The following HPSE2 variants were observed in gnomAD, a reference collection of about 807,000 sequenced individuals.
The protein encoded by HPSE2 is heparanase 2 (inactive).
Under a neutral mutation model 60.5 loss-of-function variants are expected in HPSE2, and 38 were observed. The ratio of observed to expected loss-of-function variants is 0.63; its 90% CI spans 0.48 to 0.82. HPSE2 has a LOEUF of 0.82. Among genes scored for constraint, HPSE2 ranks in the 40% least tolerant of loss-of-function variants. The pLI is 0.00. For synonymous variants in HPSE2, 295 were observed against 293.2 expected (o/e 1.01, Z -0.06); for missense variants, 713 against 740.4 (o/e 0.96, Z 0.43).
At chr10:98,507,662 C>T (rs1450511651) in intron 9 of HPSE2, among the ~76,000 whole-genome samples, 3 of 151,982 alleles carry the variant, frequency 2.0e-5, no homozygotes, top group African/African-American at 7.3e-5. Context: ...AAACTCCGTC[C>T]TCCCCCTCTC....
intron 2 of HPSE2, among the ~76,000 whole-genome samples, chr10:99,169,184 C>A (rs1341270488): frequency 2.9e-4 from 37 of 129,732 alleles, no homozygotes; most frequent in African/African-American, 1.1e-3. Flanking sequence ...CAGAGCAAGA[C>A]TCCGTCTCAA....
chr10:99,249,481 C>T, the HPSE2 span, among the ~76,000 whole-genome samples: 8 of 152,228 alleles, frequency 5.3e-5, no homozygotes, highest in African/African-American at 1.9e-4. Context: ...GTGTCTGCAC[C>T]TCCATTGTAT....
At chr10:99,308,803 TA>T in the HPSE2 span, among the ~76,000 whole-genome samples, 2 of 152,184 alleles carry the variant, frequency 1.3e-5, no homozygotes, top group African/African-American at 4.8e-5. Flanking sequence ...CGTGGGATGA[TA>T]ACATCATTCT....
intron 3 of HPSE2, among the ~76,000 whole-genome samples, chr10:98,862,724 T>A (rs1952488077): frequency 6.6e-6 from 1 of 152,048 alleles, no homozygotes; most frequent in Non-Finnish European, 1.5e-5. Context: ...GGAGGGGCGA[T>A]TAGGACTCTT....
chr10:99,086,238 A>C (rs576148788), intron 3 of HPSE2, among the ~76,000 whole-genome samples: 1 of 152,216 alleles, frequency 6.6e-6, no homozygotes, highest in African/African-American at 2.4e-5. Context: ...CTAACATAAA[A>C]GAGTTACACA....
chr10:98,707,965 A>G (rs1304569536), intron 5 of HPSE2, among the ~76,000 whole-genome samples: 1 of 152,264 alleles, frequency 6.6e-6, no homozygotes, highest in African/African-American at 2.4e-5. Flanking sequence ...TAGTAAGGAG[A>G]TCTATGGAAT....
intron 3 of HPSE2, among the ~76,000 whole-genome samples, chr10:99,125,786 C>A (rs1336383095): frequency 6.6e-6 from 1 of 152,128 alleles, no homozygotes; most frequent in Admixed American, 6.5e-5. Flanking sequence ...AGAAGTAGAA[C>A]CAACAGTGGG....
At chr10:98,860,628 C>G (rs965352559) in intron 3 of HPSE2, among the ~76,000 whole-genome samples, 4 of 152,132 alleles carry the variant, frequency 2.6e-5, no homozygotes, top group Admixed American at 6.5e-5. Flanking sequence ...CTAGTAAGTG[C>G]TAGAGCTAGG....
intron 6 of HPSE2, among the ~76,000 whole-genome samples, chr10:98,649,927 C>T (rs938219953): frequency 2.0e-5 from 3 of 152,194 alleles, no homozygotes; most frequent in African/African-American, 7.2e-5. Flanking sequence ...ATCCCATTCA[C>T]CTGAGCTTGC....
chr10:98,516,042 G>A (rs1013270957), intron 9 of HPSE2, among the ~76,000 whole-genome samples: 5 of 152,098 alleles, frequency 3.3e-5, no homozygotes, highest in African/African-American at 9.7e-5. Context: ...CTTACAGCAC[G>A]GTTCACACTA....
chr10:98,764,535 A>G (rs1368652989), intron 3 of HPSE2, among the ~76,000 whole-genome samples: 1 of 152,208 alleles, frequency 6.6e-6, no homozygotes, highest in Non-Finnish European at 1.5e-5. Context: ...AAACCCACTT[A>G]AAATATAATT....
chr10:98,807,833 T>G (rs1017575303), intron 3 of HPSE2, among the ~76,000 whole-genome samples: 1 of 152,232 alleles, frequency 6.6e-6, no homozygotes, highest in Admixed American at 6.5e-5. Flanking sequence ...ATAGCCTAAG[T>G]GAGAAGTTCC....
intron 3 of HPSE2, among the ~76,000 whole-genome samples, chr10:99,098,445 G>A (rs557811461): frequency 6.6e-6 from 1 of 152,218 alleles, no homozygotes; most frequent in African/African-American, 2.4e-5. Context: ...TTTGCAAATA[G>A]GCTATTTTCA....
At chr10:99,029,370 A>C (rs1311795762) in intron 3 of HPSE2, among the ~76,000 whole-genome samples, 1 of 152,218 alleles carries the variant, frequency 6.6e-6, no homozygotes, top group Admixed American at 6.5e-5. Flanking sequence ...TGTAGAAATA[A>C]AGACTCAAGA....
chr10:99,306,523 A>G, the HPSE2 span, among the ~76,000 whole-genome samples: 1 of 152,078 alleles, frequency 6.6e-6, no homozygotes, highest in Non-Finnish European at 1.5e-5. Flanking sequence ...TTATGTGAAT[A>G]ATATATCTTT....
intron 3 of HPSE2, among the ~76,000 whole-genome samples, chr10:99,089,007 C>T (rs113531090): frequency 0.011 from 1,723 of 152,208 alleles, 36 homozygotes; most frequent in African/African-American, 0.039. Flanking sequence ...ATGTCCTTAG[C>T]CCACTTTTTA....
intron 3 of HPSE2, among the ~76,000 whole-genome samples, chr10:98,807,224 C>A (rs1456782339): frequency 6.6e-6 from 1 of 152,142 alleles, no homozygotes; most frequent in Non-Finnish European, 1.5e-5. Context: ...TTCTGCCATT[C>A]TTTTTTATAT....
intron 6 of HPSE2, among the ~76,000 whole-genome samples, chr10:98,680,300 GT>G (rs939422222): frequency 8.6e-5 from 13 of 151,742 alleles, no homozygotes; most frequent in African/African-American, 2.2e-4. Flanking sequence ...TATAGACATA[GT>G]TTTTTTTTCT....
rs941845639 is a variant in HPSE2, at chr10:98,463,565, G to C, written c.1614-3826C>G. Among the ~76,000 whole-genome samples the C allele has an allele frequency of 1.7e-3, 266 of 152,318 alleles. 2 individuals are homozygous for C. The highest frequency in any genetic ancestry group is 3.2e-4 in the Non-Finnish European group (22 of 68,026). ...GCCTGTAATCCCAGCACTTTGGGAGGCTGAGGCAGGAGGATCACTTGAGTC... is the reference window on the plus strand; with the variant it reads ...GCCTGTAATCCCAGCACTTTGGGAGCCTGAGGCAGGAGGATCACTTGAGTC... On this transcript the variant is annotated intron_variant, in intron 11 of 11. Coordinates refer to ENST00000370552, the MANE Select transcript of HPSE2 (RefSeq NM_021828.5).
Sources: allele counts gnomAD v4.1 joint callset (sites outside exome capture counted in the v4.1 genomes callset), GRCh38; gene constraint gnomAD v4.1.1; transcripts MANE v1.5; gene names NCBI Gene and HGNC (gene_info 2026-07-23, HGNC 2026-07-21).